Variants in INSYN2B observed in about 807,000 individuals in gnomAD.
The protein encoded by INSYN2B is protein INSYN2B.
In INSYN2B, 16 loss-of-function variants were observed where a neutral mutation model predicts 41.2. The ratio of observed to expected loss-of-function variants is 0.39; its 90% confidence interval spans 0.26 to 0.59. INSYN2B has a LOEUF of 0.59. Ranked by LOEUF, INSYN2B falls within the 20% of genes least tolerant of loss-of-function variation. The pLI, the probability that INSYN2B is intolerant of heterozygous loss-of-function variation, is 0.57. For synonymous variants in INSYN2B, 245 were observed against 244.4 expected (o/e 1.00, Z -0.02); for missense variants, 608 against 646.4 (o/e 0.94, Z 0.64).
chr5:169,865,504 C>A (rs372640169), intron 3 of INSYN2B, among the ~76,000 whole-genome samples: 1 of 152,214 alleles, frequency 6.6e-6, no homozygotes, highest in East Asian at 1.9e-4. Context: ...CTTAGACATC[C>A]CTGTGGGCTG....
In INSYN2B at chr5:169,908,721, T is replaced by C. The variant is rs1005056464; in HGVS notation, c.-918-23905A>G. Among the ~76,000 whole-genome samples the C allele has an allele frequency of 5.7e-4, 83 of 146,118 alleles. 1 individual carries two copies. The highest frequency in any genetic ancestry group is 2.0e-3 in the African/African-American group (80 of 39,626). ...TTTCTCTTTTCTTTTTTCTTTTTTT[T>C]TTTTTTTTTTTGAGACCGAGTCTCA... On this transcript the variant is annotated intron_variant, in intron 1 of 3. Coordinates refer to ENST00000377365, the MANE Select transcript of INSYN2B (RefSeq NM_001129891.3).
At chr5:169,944,270 T>C (rs549920851) in intron 1 of INSYN2B, among the ~76,000 whole-genome samples, 3 of 152,302 alleles carry the variant, frequency 2.0e-5, no homozygotes, top group East Asian at 3.9e-4. Flanking sequence ...GACCTGCCCA[T>C]GCACAGAGGT....
At chr5:169,891,496 T>A (rs1413164405) in intron 1 of INSYN2B, among the ~76,000 whole-genome samples, 1 of 152,204 alleles carries the variant, frequency 6.6e-6, no homozygotes, top group Non-Finnish European at 1.5e-5. Flanking sequence ...AGCAGTAAAA[T>A]CAGCTTTCCA....
chr5:169,881,192 G>A (rs964937557), intron 3 of INSYN2B, among the ~76,000 whole-genome samples, 176 bp downstream of exon 3: 5 of 152,288 alleles, frequency 3.3e-5, no homozygotes, highest in African/African-American at 9.6e-5. Flanking sequence ...TATGCTCATA[G>A]ACTTTGTTCT....
chr5:169,886,802 T>C (rs963324756), intron 1 of INSYN2B, among the ~76,000 whole-genome samples: 1 of 152,204 alleles, frequency 6.6e-6, no homozygotes, highest in Non-Finnish European at 1.5e-5. Context: ...GCTTTCTTCT[T>C]AACTGCTCAT....
chr5:169,960,063 T>C (rs994137859), intron 1 of INSYN2B, among the ~76,000 whole-genome samples: 2 of 152,190 alleles, frequency 1.3e-5, no homozygotes, highest in Non-Finnish European at 2.9e-5. Context: ...ACTGCCTTTA[T>C]TGAAGGTGGA....
intron 1 of INSYN2B, among the ~76,000 whole-genome samples, chr5:169,903,934 T>C (rs1043241840): frequency 3.3e-5 from 5 of 151,810 alleles, no homozygotes; most frequent in African/African-American, 1.2e-4. Flanking sequence ...GCTCTGCCTC[T>C]ACAAAAAATA....
chr5:169,941,024 C>A (rs991042827), intron 1 of INSYN2B, among the ~76,000 whole-genome samples: 1 of 152,174 alleles, frequency 6.6e-6, no homozygotes, highest in African/African-American at 2.4e-5. Flanking sequence ...AGACAGAAAG[C>A]CTGCCCTCAT....
intron 3 of INSYN2B, among the ~76,000 whole-genome samples, chr5:169,874,327 C>T (rs1294007829): frequency 1.4e-5 from 2 of 147,584 alleles, no homozygotes; most frequent in East Asian, 2.0e-4. Flanking sequence ...GCAGAAAAAT[C>T]GCTTAAACCT....
At chr5:169,976,567 T>G (rs1275132925) in intron 1 of INSYN2B, among the ~76,000 whole-genome samples, 2 of 152,128 alleles carry the variant, frequency 1.3e-5, no homozygotes, top group East Asian at 3.9e-4. Context: ...ACTTTAGAAG[T>G]TTTCAAGTGA....
chr5:169,888,056 T>C (rs992579755), intron 1 of INSYN2B, among the ~76,000 whole-genome samples: 78 of 151,664 alleles, frequency 5.1e-4, no homozygotes, highest in Non-Finnish European at 3.5e-4. Flanking sequence ...AAGTTGAAAA[T>C]GAAAATTTGA....
At chr5:169,909,057 C>T (rs1009042189) in intron 1 of INSYN2B, among the ~76,000 whole-genome samples, 2 of 152,178 alleles carry the variant, frequency 1.3e-5, no homozygotes, top group African/African-American at 4.8e-5. Context: ...GAGGCTGAGC[C>T]AGGCTGCCTG....
chr5:169,959,163 G>T (rs987355522), intron 1 of INSYN2B, among the ~76,000 whole-genome samples: 6 of 151,970 alleles, frequency 3.9e-5, no homozygotes, highest in Non-Finnish European at 8.8e-5. Flanking sequence ...GAGGCCGAGG[G>T]GGGCGGATCA....
intron 1 of INSYN2B, among the ~76,000 whole-genome samples, chr5:169,938,311 G>T (rs1284412469): frequency 6.6e-6 from 1 of 151,818 alleles, no homozygotes; most frequent in Admixed American, 6.6e-5. Flanking sequence ...TAAGGATGGG[G>T]ATATGTTAAG....
chr5:169,909,160 A>C (rs17670333), intron 1 of INSYN2B, among the ~76,000 whole-genome samples: 1 of 152,128 alleles, frequency 6.6e-6, no homozygotes. Context: ...TTCTTTATCT[A>C]TCAGGGCTCA....
intron 3 of INSYN2B, chr5:169,876,016 C>T (rs1352929859): frequency 6.6e-6 from 1 of 152,218 alleles, no homozygotes; most frequent in African/African-American, 2.4e-5. Flanking sequence ...CAGAGCTGTG[C>T]TCTTTCTGGA....
At chr5:169,921,606 T>C (rs1775176985) in intron 1 of INSYN2B, among the ~76,000 whole-genome samples, 1 of 152,212 alleles carries the variant, frequency 6.6e-6, no homozygotes, top group South Asian at 2.1e-4. Flanking sequence ...GATGTCTGTT[T>C]AACTTTGTTT....
chr5:169,864,460 C>G lies in INSYN2B; in HGVS notation c.1422-1G>C. 6.6e-7 allele frequency: 1 copy of G among 1,525,948 alleles called. No individual in the cohort carries two copies. The highest frequency in any genetic ancestry group is 8.8e-7 in the Non-Finnish European group (1 of 1,135,360). The allele number at this position is 1,525,948 out of a possible 1,614,324, so 94.5% of individuals were successfully genotyped here. On this transcript the variant is annotated splice_acceptor_variant, in intron 3 of 3. Transcript: ENST00000377365. LOFTEE classifies it high-confidence loss of function. ...CTGCTGCCGAAAATCATACTCTACACTGAAAAACACAGAGAGGAAGGAAGG... is the reference window on the plus strand; with the variant it reads ...CTGCTGCCGAAAATCATACTCTACAGTGAAAAACACAGAGAGGAAGGAAGG...
At chr5:169,938,896 C>CTTT (rs540935886) in intron 1 of INSYN2B, among the ~76,000 whole-genome samples, 146 of 145,008 alleles carry the variant, frequency 1.0e-3, no homozygotes, top group African/African-American at 3.7e-3. Context: ...ATTTTTCTTT[C>CTTT]TTTTTTTTCT....
Sources: allele counts gnomAD v4.1 joint callset (sites outside exome capture counted in the v4.1 genomes callset), GRCh38; gene constraint gnomAD v4.1.1; transcripts MANE v1.5; gene names NCBI Gene and HGNC (gene_info 2026-07-23, HGNC 2026-07-21).